The following WAC variants were observed in gnomAD, a reference collection of about 807,000 sequenced individuals.
The protein encoded by WAC is WW domain containing adaptor with coiled-coil.
A neutral mutation model predicts 79.6 loss-of-function variants in WAC; 11 were observed. The observed-to-expected ratio is 0.14, with a 90% CI of 0.09 to 0.23. The LOEUF (loss-of-function observed/expected upper bound fraction) is 0.23. Ranked by LOEUF, WAC falls within the 10% of genes least tolerant of loss-of-function variation. The probability of loss-of-function intolerance (pLI) is 1.00; values close to 1 mark genes in which losing one functional copy is unlikely to be tolerated. For missense variants in WAC, 728 were observed against 773.5 expected, an observed-to-expected ratio of 0.94 and a Z score of 0.70; for synonymous variants, 304 against 276.9, an observed-to-expected ratio of 1.10 and a Z score of -0.97.
At chr10:28,608,025 T>A (rs981745646) in intron 7 of WAC, among the ~76,000 whole-genome samples, 161 bp from the exon 8 acceptor site, 1 of 152,210 alleles carries the variant, frequency 6.6e-6, no homozygotes, top group African/African-American at 2.4e-5. Context: ...ATTATTCTAG[T>A]CATGTGAATG....
chr10:28,613,246 A>G (rs982856254), intron 10 of WAC, among the ~76,000 whole-genome samples: 36 of 152,230 alleles, frequency 2.4e-4, no homozygotes, highest in African/African-American at 8.2e-4. Flanking sequence ...ACAGACCTAT[A>G]ATCCCAGCTA....
At chr10:28,614,519 GAT>G (rs1362779920) in intron 10 of WAC, 46 bp from the exon 11 acceptor site, 2 of 1,429,488 alleles carry the variant, frequency 1.4e-6, no homozygotes, top group Non-Finnish European at 2.0e-6. Flanking sequence ...TGGGGGGAGA[GAT>G]GTGGATTAGA....
At chr10:28,603,969 ATATATATATATATATATATG>A (rs1230450696) in intron 7 of WAC, among the ~76,000 whole-genome samples, 718 of 67,710 alleles carry the variant, frequency 0.011, 33 homozygotes, top group African/African-American at 0.035. Flanking sequence ...ATGTATATAT[ATATATATATATATATATATG>A]TATATATATA....
chr10:28,616,096 A>G, intron 11 of WAC, 77 bp from the exon 12 acceptor site: 6 of 1,207,084 alleles, frequency 5.0e-6, no homozygotes, highest in Non-Finnish European at 6.8e-6. Flanking sequence ...AATAAAAGGT[A>G]TTAACATGCA....
chr10:28,548,330 CTT>C (rs759306623), intron 3 of WAC, among the ~76,000 whole-genome samples: 3 of 152,010 alleles, frequency 2.0e-5, no homozygotes, highest in Admixed American at 6.6e-5. Context: ...TTTTTCTTCT[CTT>C]TTACTTGTTT....
Position 28,598,784 on chromosome 10 carries a change from CAG to C in WAC, c.919+2746_919+2747del, listed in dbSNP as rs532889819. Among the ~76,000 whole-genome samples, 56 of 152,290 alleles carry C rather than the reference CAG, an allele frequency of 3.7e-4. 1 individual carries two copies. In the South Asian group the frequency reaches 9.7e-3, roughly 26 times the overall value. ...GACGCTCGTAATGTAAAATTTCTGA[CAG>C]AGTAGATTCGAGTTTAAATTTCACG... On this transcript the variant is annotated intron_variant, in intron 7 of 13. Coordinates refer to ENST00000354911, the MANE Select transcript of WAC (RefSeq NM_016628.5).
chr10:28,589,710 C>G lies in WAC; in HGVS notation c.382-26C>G, dbSNP rs1839994590. ...TGTGATTAAATAGTATTAACATTTT[C>G]TAATTGTAAAAAATATATTTTTAAG... On this transcript the variant is annotated intron_variant, in intron 4 of 13. Transcript: ENST00000354911. 2.1e-6 allele frequency: 3 copies of G among 1,452,738 alleles called. No individual in the cohort carries two copies. The African/African-American group carries it at 4.3e-5, about 21-fold the overall frequency. 90.0% of individuals were successfully genotyped at this position (1,452,738 alleles called of 1,614,324 possible). A position where few individuals can be genotyped will look rare whatever the true frequency, so the allele number is the denominator to read the frequency against.
intron 2 of WAC, among the ~76,000 whole-genome samples, chr10:28,534,553 C>G (rs970392708): frequency 3.3e-5 from 5 of 152,130 alleles, no homozygotes; most frequent in African/African-American, 1.2e-4. Flanking sequence ...GCTTTTGTTT[C>G]TGTAAGAATT....
At chr10:28,581,797 G>A (rs1202549767) in intron 3 of WAC, among the ~76,000 whole-genome samples, 1 of 152,058 alleles carries the variant, frequency 6.6e-6, no homozygotes, top group Non-Finnish European at 1.5e-5. Flanking sequence ...CTGGACCTCG[G>A]GTGATCCACC....
chr10:28,535,932 A>G, intron 3 of WAC, 175 bp downstream of exon 3: 1 of 584,050 alleles, frequency 1.7e-6, no homozygotes. Flanking sequence ...CAAGATGCTG[A>G]TGTGAGCATC....
At position 28,619,851 on chromosome 10, in the gene WAC, C is replaced by T. The variant is rs1193705159; in HGVS notation, c.*245C>T. 1 of 324,738 alleles carries T rather than the reference C, an allele frequency of 3.1e-6. No homozygotes were observed. Among genetic ancestry groups the T allele is most frequent in the Non-Finnish European group, 5.6e-6 (1 of 180,084 alleles). 20.1% of individuals were successfully genotyped at this position (324,738 alleles called of 1,614,324 possible). On this transcript the variant is annotated 3_prime_UTR_variant, in exon 14 of 14. Coordinates refer to ENST00000354911, the MANE Select transcript of WAC (RefSeq NM_016628.5). ...TGTAAATATGTTTTGTAGAGTGAAG[C>T]CATGGGAAGCCATGTGTAACAGAGC...
Position 28,608,542 on chromosome 10 carries a change from T to TG in WAC, c.1165+112dup, listed in dbSNP as rs552695600. 1.9e-4 allele frequency: 232 copies of TG among 1,198,686 alleles called. 1 individual carries two copies. The African/African-American group carries it at 3.3e-3, about 17-fold the overall frequency. The allele number at this position is 1,198,686 out of a possible 1,614,324, so 74.3% of individuals were successfully genotyped here. A position where few individuals can be genotyped will look rare whatever the true frequency, so the allele number is the denominator to read the frequency against. On this transcript the variant is annotated intron_variant, in intron 8 of 13. Transcript: ENST00000354911. ...TTTGTTTTCTTTTGAAATTTATAGT[T>TG]GAACACTTTTTTTTGTTTTGTTTTT... is the stretch of plus-strand genomic sequence containing the variant.
In WAC at chr10:28,563,744, CTTTTTTTT is replaced by C. The variant is rs71281550; in HGVS notation, c.275-19633_275-19626del. On this transcript the variant is annotated intron_variant, in intron 3 of 13. Coordinates refer to ENST00000354911, the MANE Select transcript of WAC (RefSeq NM_016628.5). The stretch of plus-strand genomic sequence containing the variant: ...ACAAGTGCATGCTGCCTACACCCAG[CTTTTTTTT>C]TTTTTTTTTTTTTTTTTTTTTGTAT... 2.8e-3 allele frequency among the ~76,000 whole-genome samples: 189 copies of C among 67,906 alleles called. 2 individuals are homozygous for C. Among genetic ancestry groups the C allele is most frequent in the Non-Finnish European group, 3.0e-3 (117 of 38,896 alleles). 44.5% of individuals were successfully genotyped at this position (67,906 alleles called of 152,430 possible).
At chr10:28,558,607 T>C (rs1380128318) in intron 3 of WAC, among the ~76,000 whole-genome samples, 3 of 152,242 alleles carry the variant, frequency 2.0e-5, no homozygotes, top group Non-Finnish European at 2.9e-5. Flanking sequence ...ACCTGTGTTA[T>C]GTTCCAAAAT....
chr10:28,557,324 CAA>C (rs890020980), intron 3 of WAC, among the ~76,000 whole-genome samples: 33 of 152,170 alleles, frequency 2.2e-4, no homozygotes, highest in African/African-American at 8.0e-4. Context: ...ATAAAACTGT[CAA>C]TATTATACAG....
chr10:28,560,671 A>G (rs1308339933), intron 3 of WAC, among the ~76,000 whole-genome samples: 1 of 152,156 alleles, frequency 6.6e-6, no homozygotes, highest in African/African-American at 2.4e-5. Context: ...TTGAGTAAAG[A>G]CCAGGAACCT....
intron 3 of WAC, among the ~76,000 whole-genome samples, chr10:28,549,575 T>A (rs746637369): frequency 6.6e-6 from 1 of 152,198 alleles, no homozygotes; most frequent in African/African-American, 2.4e-5. Context: ...AATATCTTGT[T>A]TACAGACCTG....
chr10:28,533,978 C>T lies in WAC; in HGVS notation c.42-20C>T, dbSNP rs199849715. ...CCCGCGCCGTGTCTTATGTCGCTGC[C>T]TTCTCTTCCTGTTTTTCAGCTGTCA... On this transcript the variant is annotated intron_variant, in intron 1 of 13. Coordinates refer to ENST00000354911, the MANE Select transcript of WAC (RefSeq NM_016628.5). 359 of 1,605,546 alleles carry T rather than the reference C, an allele frequency of 2.2e-4. 4 individuals carry two copies. In the East Asian group the frequency reaches 6.6e-3, roughly 30 times the overall value.
intron 3 of WAC, among the ~76,000 whole-genome samples, chr10:28,578,278 A>G (rs894039905): frequency 6.6e-6 from 1 of 152,204 alleles, no homozygotes; most frequent in Non-Finnish European, 1.5e-5. Flanking sequence ...AGCTTTATTC[A>G]GTCCTATTTT....
Sources: allele counts gnomAD v4.1 joint callset (sites outside exome capture counted in the v4.1 genomes callset), GRCh38; gene constraint gnomAD v4.1.1; transcripts MANE v1.5; gene names NCBI Gene and HGNC (gene_info 2026-07-23, HGNC 2026-07-21).